Variants in CSMD1 observed in about 807,000 individuals in gnomAD.
The protein encoded by CSMD1 is CUB and Sushi multiple domains 1.
Under a neutral mutation model 417.5 loss-of-function variants are expected in CSMD1, and 213 were observed. That is an observed-to-expected ratio of 0.51 (90% CI 0.46 to 0.57). The LOEUF (loss-of-function observed/expected upper bound fraction) is 0.57. Ranked by LOEUF, CSMD1 falls within the 20% of genes least tolerant of loss-of-function variation. The pLI is 0.00. For synonymous variants in CSMD1, 2,862 were observed against 1,736.8 expected (o/e 1.65, Z -16.11); for missense variants, 6,923 against 4,529.7 (o/e 1.53, Z -15.17).
intron 11 of CSMD1, among the ~76,000 whole-genome samples, chr8:3,482,789 C>A (rs1817821781): frequency 1.3e-5 from 2 of 152,064 alleles, no homozygotes; most frequent in South Asian, 4.1e-4. Flanking sequence ...GTTCTCTGAT[C>A]ACAAAGGAAT....
At chr8:3,907,952 G>A (rs746808801) in intron 5 of CSMD1, among the ~76,000 whole-genome samples, 3 of 152,074 alleles carry the variant, frequency 2.0e-5, no homozygotes, top group Non-Finnish European at 2.9e-5. Flanking sequence ...TTTGGGGGGT[G>A]TGGGGAGAGT....
rs139725220 is a variant in CSMD1, at chr8:3,359,758, C to T, written c.3116-418G>A. Among the ~76,000 whole-genome samples, 220 of 151,972 alleles carry T rather than the reference C, an allele frequency of 1.4e-3. 1 individual carries two copies. Among genetic ancestry groups the T allele is most frequent in the African/African-American group, 4.8e-3 (197 of 41,444 alleles). ...CTCAAAGGCAAGATCGGAAATGTTCCCAACACAAAGAAATAATAAATATTT... is the reference window on the plus strand; with the variant it reads ...CTCAAAGGCAAGATCGGAAATGTTCTCAACACAAAGAAATAATAAATATTT... On this transcript the variant is annotated intron_variant, in intron 20 of 69. Transcript: ENST00000635120.
At position 3,018,658 on chromosome 8, in the gene CSMD1, G is replaced by A. The variant is rs866246770; in HGVS notation, c.7856-8C>T. On this transcript the variant is annotated splice_region_variant and splice_polypyrimidine_tract_variant and intron_variant, in intron 51 of 69. Transcript: ENST00000635120. ...GGCTTCCACACGAGATAACTAGAAGGAAAAACAATAAAATGAACATCAATT... is the reference window on the plus strand; with the variant it reads ...GGCTTCCACACGAGATAACTAGAAGAAAAAACAATAAAATGAACATCAATT... The A allele has an allele frequency of 1.9e-6, 3 of 1,603,888 alleles. No homozygotes were observed. The highest frequency in any genetic ancestry group is 2.2e-5 in the East Asian group (1 of 44,490).
intron 2 of CSMD1, among the ~76,000 whole-genome samples, chr8:4,450,956 T>G (rs1184151806): frequency 6.6e-6 from 1 of 151,992 alleles, no homozygotes; most frequent in East Asian, 1.9e-4. Context: ...ACAACTAAGA[T>G]CTACAGTAAC....
At chr8:2,978,481 C>A in intron 55 of CSMD1, 131 bp downstream of exon 55, 2 of 713,514 alleles carry the variant, frequency 2.8e-6, no homozygotes, top group Non-Finnish European at 4.6e-6. Context: ...ATCATAAAAA[C>A]TCCTACAATT....
intron 3 of CSMD1, among the ~76,000 whole-genome samples, chr8:4,165,546 G>C (rs150366369): frequency 6.6e-6 from 1 of 152,038 alleles, no homozygotes; most frequent in South Asian, 2.1e-4. Flanking sequence ...TGGGACCTCC[G>C]GTGCACCACC....
At chr8:4,626,906 T>C (rs1229522469) in intron 2 of CSMD1, among the ~76,000 whole-genome samples, 2 of 152,180 alleles carry the variant, frequency 1.3e-5, no homozygotes, top group African/African-American at 2.4e-5. Context: ...TTCTTTATTA[T>C]TTTTAGTACA....
intron 1 of CSMD1, among the ~76,000 whole-genome samples, chr8:4,863,336 T>A (rs1410707379): frequency 6.6e-6 from 1 of 152,040 alleles, no homozygotes. Flanking sequence ...CATATTATCA[T>A]AAAATCATAG....
At chr8:3,476,148 G>C (rs1468908007) in intron 11 of CSMD1, among the ~76,000 whole-genome samples, 1 of 152,144 alleles carries the variant, frequency 6.6e-6, no homozygotes, top group Non-Finnish European at 1.5e-5. Flanking sequence ...TTCAAGACTA[G>C]CCTGCGCAAC....
chr8:3,984,783 G>T (rs762237843), intron 5 of CSMD1, among the ~76,000 whole-genome samples: 1 of 145,256 alleles, frequency 6.9e-6, no homozygotes, highest in Non-Finnish European at 1.5e-5. Flanking sequence ...GTGTGTGTGT[G>T]TGGGTGTAAA....
intron 23 of CSMD1, among the ~76,000 whole-genome samples, chr8:3,329,982 C>T (rs951336665): frequency 1.3e-5 from 2 of 152,148 alleles, no homozygotes; most frequent in African/African-American, 4.8e-5. Context: ...GTTATAGGCA[C>T]ACAGTCATGA....
At chr8:4,082,045 A>G (rs1008229161) in intron 3 of CSMD1, among the ~76,000 whole-genome samples, 1 of 152,174 alleles carries the variant, frequency 6.6e-6, no homozygotes, top group African/African-American at 2.4e-5. Flanking sequence ...TAGGAAAGCC[A>G]AAGGCATTTT....
chr8:4,502,686 T>C lies in CSMD1; in HGVS notation c.303-82621A>G, dbSNP rs558095151. ...GCATTTCTTGTTGAGTTTTCTTTTCTCTTTGACTTTAGTTTCAGCCTCATC... is the reference window on the plus strand; with the variant it reads ...GCATTTCTTGTTGAGTTTTCTTTTCCCTTTGACTTTAGTTTCAGCCTCATC... On this transcript the variant is annotated intron_variant, in intron 2 of 69. Transcript: ENST00000635120. 2.6e-5 allele frequency among the ~76,000 whole-genome samples: 4 copies of C among 152,340 alleles called. No individual in the cohort carries two copies. The South Asian group carries it at 8.3e-4, about 32-fold the overall frequency.
chr8:4,718,102 T>G (rs1011379424), intron 1 of CSMD1, among the ~76,000 whole-genome samples: 6 of 152,094 alleles, frequency 3.9e-5, no homozygotes, highest in Non-Finnish European at 8.8e-5. Flanking sequence ...TTCCTCAAAG[T>G]ACCTGGTATG....
At chr8:4,290,017 G>A (rs1797274350) in intron 3 of CSMD1, among the ~76,000 whole-genome samples, 1 of 152,148 alleles carries the variant, frequency 6.6e-6, no homozygotes, top group African/African-American at 2.4e-5. Context: ...TAAGCACTCT[G>A]TGCACTGCAA....
intron 33 of CSMD1, among the ~76,000 whole-genome samples, chr8:3,197,905 A>G (rs890434884): frequency 1.3e-5 from 2 of 152,204 alleles, no homozygotes; most frequent in Non-Finnish European, 2.9e-5. Context: ...CTTCCAAAAA[A>G]ACTTAGTTTT....
chr8:3,296,747 G>A (rs141436463), intron 25 of CSMD1, among the ~76,000 whole-genome samples: 34 of 152,238 alleles, frequency 2.2e-4, no homozygotes, highest in Non-Finnish European at 4.3e-4. Flanking sequence ...TGGCCCTGTA[G>A]GTTTGTCCCT....
At chr8:3,322,077 T>C (rs1177571262) in intron 23 of CSMD1, among the ~76,000 whole-genome samples, 1 of 152,234 alleles carries the variant, frequency 6.6e-6, no homozygotes, top group Non-Finnish European at 1.5e-5. Flanking sequence ...TTATTTTACA[T>C]AATATATGAA....
intron 12 of CSMD1, among the ~76,000 whole-genome samples, chr8:3,453,643 G>C (rs1343416374): frequency 6.6e-6 from 1 of 152,152 alleles, no homozygotes; most frequent in Non-Finnish European, 1.5e-5. Flanking sequence ...TCTTAATCCT[G>C]AATTGTAGTT....
Sources: allele counts gnomAD v4.1 joint callset (sites outside exome capture counted in the v4.1 genomes callset), GRCh38; gene constraint gnomAD v4.1.1; transcripts MANE v1.5; gene names NCBI Gene and HGNC (gene_info 2026-07-23, HGNC 2026-07-21).